The following RFX1 variants were observed in gnomAD, a reference collection of about 807,000 sequenced individuals.
RFX1 encodes the protein regulatory factor X1.
A neutral mutation model predicts 119.6 loss-of-function variants in RFX1; 42 were observed. That is an observed-to-expected ratio of 0.35 (90% CI 0.27 to 0.45). The LOEUF (loss-of-function observed/expected upper bound fraction) is 0.45. Among genes scored for constraint, RFX1 ranks in the 20% least tolerant of loss-of-function variants. The pLI, the probability that RFX1 is intolerant of heterozygous loss-of-function variation, is 1.00. For synonymous variants in RFX1, 628 were observed against 618.5 expected (o/e 1.02, Z -0.23); for missense variants, 1,118 against 1,368.1 (o/e 0.82, Z 2.88).
chr19:13,982,317 T>A, intron 4 of RFX1, 89 bp from the exon 5 acceptor site: 4 of 658,658 alleles, frequency 6.1e-6, no homozygotes, highest in Non-Finnish European at 8.7e-6. Context: ...GGTGACATTC[T>A]AAGTGCTTCA....
chr19:13,962,627 C>G lies in RFX1; in HGVS notation c.*68G>C. 1 of 1,306,570 alleles carries G rather than the reference C, an allele frequency of 7.7e-7. No individual in the cohort carries two copies. Among genetic ancestry groups the G allele is most frequent in the Non-Finnish European group, 1.0e-6 (1 of 991,830 alleles). 80.9% of individuals were successfully genotyped at this position (1,306,570 alleles called of 1,614,324 possible). On this transcript the variant is annotated 3_prime_UTR_variant, in exon 21 of 21. Transcript: ENST00000254325. The stretch of plus-strand genomic sequence containing the variant: ...GAGGCTGGAGCAGTGACCACGAAGC[C>G]ACAGAAGCTTTGAGGGACCCTGGCG...
At chr19:13,993,102 T>A (rs12461471) in intron 2 of RFX1, among the ~76,000 whole-genome samples, 1 of 151,986 alleles carries the variant, frequency 6.6e-6, no homozygotes. Context: ...GAGACCTGCC[T>A]GAGCAACATG....
In RFX1 at chr19:13,980,464, G is replaced by T; in HGVS notation, c.738+109C>A. 1 of 650,664 alleles carries T rather than the reference G, an allele frequency of 1.5e-6. No individual in the cohort carries two copies. The highest frequency in any genetic ancestry group is 2.6e-6 in the Non-Finnish European group (1 of 379,886). 40.3% of individuals were successfully genotyped at this position (650,664 alleles called of 1,614,324 possible). A position where few individuals can be genotyped will look rare whatever the true frequency, so the allele number is the denominator to read the frequency against. ...AGGCCAGGGTGGCAGGCTGGGGCTG[G>T]ACCCACATGGGCTGGGCTCTAATAG... On this transcript the variant is annotated intron_variant, in intron 6 of 20. Coordinates refer to ENST00000254325, the MANE Select transcript of RFX1 (RefSeq NM_002918.5). The surrounding 1 kb of genome is among the most constrained non-coding windows in gnomAD (Gnocchi z 5.1).
intron 1 of RFX1, among the ~76,000 whole-genome samples, chr19:13,997,616 A>C (rs769369121): frequency 1.3e-5 from 2 of 152,340 alleles, no homozygotes; most frequent in African/African-American, 4.8e-5. Flanking sequence ...AGGATGAAGG[A>C]AACAGGAGCT....
Position 13,970,193 on chromosome 19 carries a change from TG to T in RFX1, c.1315-19del. 1 of 1,586,178 alleles carries T rather than the reference TG, an allele frequency of 6.3e-7. No individual in the cohort carries two copies. Among genetic ancestry groups the T allele is most frequent in the Non-Finnish European group, 8.6e-7 (1 of 1,162,940 alleles). On this transcript the variant is annotated intron_variant, in intron 9 of 20. Transcript: ENST00000254325. Reference sequence around the variant, plus strand: ...CACTGGACCTGGGGTGGGAGGGAGATGGGAGAGCACCAGTCAGAGGCGCTTC... The same window carrying T: ...CACTGGACCTGGGGTGGGAGGGAGATGGAGAGCACCAGTCAGAGGCGCTTC...
intron 1 of RFX1, among the ~76,000 whole-genome samples, chr19:14,003,135 G>GCCCA (rs879511726): frequency 4.4e-4 from 67 of 152,270 alleles, no homozygotes; most frequent in Non-Finnish European, 9.3e-4. Context: ...ACAGTCATGT[G>GCCCA]CTACCATGCC....
At chr19:13,963,351 G>C (rs1424308983) in intron 18 of RFX1, 76 bp from the exon 19 acceptor site, 3 of 1,507,156 alleles carry the variant, frequency 2.0e-6, no homozygotes, top group East Asian at 2.5e-5. Context: ...GCTGCGATGC[G>C]CCCGGGCCTC....
rs762098757 is a variant in RFX1 at position 13,980,602 on chromosome 19, C to A, written c.709G>T (p.Val237Phe). 8 of 1,576,706 alleles carry A rather than the reference C, an allele frequency of 5.1e-6. No individual in the cohort carries two copies. The highest frequency in any genetic ancestry group is 6.8e-6 in the Non-Finnish European group (8 of 1,168,504). Reference protein sequence around the residue: ...TVPQQLQVHGVQQSVPVTQER... With the variant: ...TVPQQLQVHGFQQSVPVTQER... ...TGGGTGACGGGGACACTCTGCTGGA[C>A]GCCGTGGACCTGCAGCTGCTGTGGC... The change falls in exon 6 of 21, where the codon GTC (valine) becomes TTC (phenylalanine). Residue 237 changes from valine to phenylalanine, a missense_variant. Coordinates refer to ENST00000254325, the MANE Select transcript of RFX1 (RefSeq NM_002918.5). This position sits in a 1 kb window ranked among gnomAD's most constrained non-coding sequence, Gnocchi z 5.1.
Position 13,975,419 on chromosome 19 carries a change from C to A in RFX1, c.930-2292G>T, listed in dbSNP as rs149320391. On this transcript the variant is annotated intron_variant, in intron 8 of 20. Coordinates refer to ENST00000254325, the MANE Select transcript of RFX1 (RefSeq NM_002918.5). ...GACAGTGTGGTCAGTCAAGAGGTGG[C>A]CTGGCTCAGACTCTGAAGGTGGCAG... Among the ~76,000 whole-genome samples, 578 of 150,888 alleles carry A rather than the reference C, an allele frequency of 3.8e-3. 4 individuals carry two copies. Among genetic ancestry groups the A allele is most frequent in the African/African-American group, 0.013 (546 of 41,120 alleles).
intron 16 of RFX1, among the ~76,000 whole-genome samples, chr19:13,964,981 GT>G (rs879737265): frequency 6.6e-6 from 1 of 152,248 alleles, no homozygotes; most frequent in East Asian, 1.9e-4. Context: ...CCCAGCGGTG[GT>G]TTTTTTGTTT....
intron 5 of RFX1, among the ~76,000 whole-genome samples, chr19:13,981,105 G>A (rs1402198384): frequency 6.6e-6 from 1 of 152,220 alleles, no homozygotes; most frequent in African/African-American, 2.4e-5. Context: ...CTTCCCAATG[G>A]AGGGGCAGAG....
At chr19:14,003,852 CTG>C (rs1238848992) in intron 1 of RFX1, among the ~76,000 whole-genome samples, 2 of 152,134 alleles carry the variant, frequency 1.3e-5, no homozygotes, top group African/African-American at 4.8e-5. Flanking sequence ...GTAAATGTAA[CTG>C]GTGACTGAGG....
intron 2 of RFX1, among the ~76,000 whole-genome samples, chr19:13,991,452 C>T (rs1464499406): frequency 2.0e-5 from 3 of 152,040 alleles, no homozygotes; most frequent in Non-Finnish European, 4.4e-5. Context: ...TCTACACAGG[C>T]GGGGGGGCAC....
Position 13,980,737 on chromosome 19 carries a change from C to CTCTCTGGGGTGGGCTCGCATCT in RFX1, c.622-49_622-48insAGATGCGAGCCCACCCCAGAGA. The CTCTCTGGGGTGGGCTCGCATCT allele has an allele frequency of 1.4e-6, 2 of 1,398,186 alleles. No individual in the cohort carries two copies. Among genetic ancestry groups the CTCTCTGGGGTGGGCTCGCATCT allele is most frequent in the Middle Eastern group, 1.8e-4 (1 of 5,630 alleles). The allele number at this position is 1,398,186 out of a possible 1,614,324, so 86.6% of individuals were successfully genotyped here. ...AGTGCCGCTGGGGTGGGCTTGCATC[C>CTCTCTGGGGTGGGCTCGCATCT]TCTCTGAGGTGGGCTCACACACACA... On this transcript the variant is annotated intron_variant, in intron 5 of 20. Coordinates refer to ENST00000254325, the MANE Select transcript of RFX1 (RefSeq NM_002918.5). This position sits in a 1 kb window ranked among gnomAD's most constrained non-coding sequence, Gnocchi z 5.1.
At position 13,974,512 on chromosome 19, in the gene RFX1, G is replaced by A. The variant is rs1354072718; in HGVS notation, c.930-1385C>T. Among the ~76,000 whole-genome samples the A allele has an allele frequency of 5.9e-5, 9 of 152,126 alleles. 1 individual carries two copies. The highest frequency in any genetic ancestry group is 4.1e-4 in the South Asian group (2 of 4,826). On this transcript the variant is annotated intron_variant, in intron 8 of 20. Coordinates refer to ENST00000254325, the MANE Select transcript of RFX1 (RefSeq NM_002918.5). ...GAAAGAGAAGGAGGCAAGGCTTGTC[G>A]TCCCCCGAAAGAACAAGCTCCAGAA... is the stretch of plus-strand genomic sequence containing the variant.
At chr19:13,981,062 A>G (rs909916181) in intron 5 of RFX1, among the ~76,000 whole-genome samples, 1 of 152,152 alleles carries the variant, frequency 6.6e-6, no homozygotes, top group African/African-American at 2.4e-5. Context: ...TGAGCGCTTT[A>G]AATGTACTCA....
At chr19:13,988,024 C>CTTTT (rs768766007) in intron 2 of RFX1, among the ~76,000 whole-genome samples, 1 of 134,480 alleles carries the variant, frequency 7.4e-6, no homozygotes. Flanking sequence ...ACTTCTTGCT[C>CTTTT]TTTTTTTTTT....
In RFX1 at chr19:13,980,429, T is replaced by C. The variant is rs1012205756; in HGVS notation, c.738+144A>G. ...TGCTGAGTCTGGAGACAGGCAGAGA[T>C]GCTTATCAAAGGCCAGGGTGGCAGG... On this transcript the variant is annotated intron_variant, in intron 6 of 20. Coordinates refer to ENST00000254325, the MANE Select transcript of RFX1 (RefSeq NM_002918.5). This position sits in a 1 kb window ranked among gnomAD's most constrained non-coding sequence, Gnocchi z 5.1. 1.3e-5 allele frequency: 8 copies of C among 595,642 alleles called. No individual in the cohort carries two copies. The highest frequency in any genetic ancestry group is 1.2e-4 in the South Asian group (6 of 49,244). The allele number at this position is 595,642 out of a possible 1,614,324, so 36.9% of individuals were successfully genotyped here.
In RFX1 at chr19:13,966,446, G is replaced by A. The variant is rs956897703; in HGVS notation, c.1936C>T (p.Pro646Ser). 2 of 1,610,954 alleles carry A rather than the reference G, an allele frequency of 1.2e-6. No homozygotes were observed. Among genetic ancestry groups the A allele is most frequent in the Non-Finnish European group, 1.7e-6 (2 of 1,178,674 alleles). The change falls in exon 14 of 21, where the codon CCC becomes TCC. Residue 646 changes from proline (P) to serine (S), a missense_variant. Around this residue, in one of 5 missense-constraint regions of RFX1, gnomAD observed 338 missense variants for 508.9 expected, o/e 0.66. Transcript: ENST00000254325. The surrounding 1 kb of genome is among the most constrained non-coding windows in gnomAD (Gnocchi z 6.3). ...KTFWRYNLSQ[P>S]SEAPPLAVHD... ...ACAGCCAGCGGTGGCGCCTCACTGG[G>A]CTGGCTGAGGTTGTACCTCCAGAAG...
Sources: gnomAD v4.1 joint callset for allele counts (sites outside exome capture counted in the v4.1 genomes callset) on GRCh38, gnomAD v4.1.1 for gene constraint, gnomAD v4.1.1 regional missense constraint, Gnocchi (gnomAD v3.1) non-coding constraint, MANE v1.5 for transcripts, NCBI Gene and HGNC (gene_info 2026-07-23, HGNC 2026-07-21) for gene names.